Variants in ALK observed in about 807,000 individuals in gnomAD.
ALK encodes ALK receptor tyrosine kinase, also known as ALK tyrosine kinase receptor.
Under a neutral mutation model 163.1 loss-of-function variants are expected in ALK, and 74 were observed. The observed-to-expected ratio is 0.45, with a 90% CI of 0.38 to 0.55. The LOEUF (loss-of-function observed/expected upper bound fraction) is 0.55. Among genes scored for constraint, ALK ranks in the 20% least tolerant of loss-of-function variants. ALK has a pLI of 0.00. For missense variants in ALK, 2,063 were observed against 2,105.3 expected (o/e 0.98, Z 0.39); for synonymous variants, 960 against 843.2 (o/e 1.14, Z -2.40).
intron 3 of ALK, among the ~76,000 whole-genome samples, chr2:29,587,086 T>G (rs1015546221): frequency 2.0e-5 from 3 of 152,180 alleles, no homozygotes; most frequent in Admixed American, 6.5e-5. Flanking sequence ...CCTAGGGCCT[T>G]TCTCTTGGGT....
Position 29,717,580 on chromosome 2 carries a change from T to G in ALK, c.785A>C (p.Tyr262Ser). 1 of 1,613,996 alleles carries G rather than the reference T, an allele frequency of 6.2e-7. No homozygotes were observed. The highest frequency in any genetic ancestry group is 8.5e-7 in the Non-Finnish European group (1 of 1,179,890). Residue 262 changes from tyrosine to serine, a missense_variant and splice_region_variant, in exon 2 of 29, where the codon TAT becomes TCT. This residue lies in a region of ALK where 987 missense variants were observed against 939.5 expected (regional missense o/e 1.05). Coordinates refer to ENST00000389048, the MANE Select transcript of ALK (RefSeq NM_004304.5). The stretch of plus-strand genomic sequence containing the variant: ...GTAAATATTAAACATATACTTACCA[T>G]ATCGGCTGCGATGAGACAGGAAAGG... ...SFPFLSHRSR[Y>S]GLECSFDFPC... is the part of the protein sequence containing the mutation.
intron 1 of ALK, among the ~76,000 whole-genome samples, chr2:29,898,109 C>G (rs1667320083): frequency 6.6e-6 from 1 of 152,208 alleles, no homozygotes; most frequent in South Asian, 2.1e-4. Flanking sequence ...AGAGAAAGGA[C>G]AGCAGGTGAC....
At chr2:29,590,479 C>T (rs1323665211) in intron 3 of ALK, among the ~76,000 whole-genome samples, 3 of 152,142 alleles carry the variant, frequency 2.0e-5, no homozygotes, top group African/African-American at 7.2e-5. Context: ...TCTGTGTCCT[C>T]GTTTATAAAA....
At chr2:29,434,817 G>T (rs1267282761) in intron 4 of ALK, among the ~76,000 whole-genome samples, 1 of 152,190 alleles carries the variant, frequency 6.6e-6, no homozygotes, top group African/African-American at 2.4e-5. Flanking sequence ...GAATGATGAG[G>T]CCATTGTGCC....
At chr2:29,630,741 AT>A (rs1233022247) in intron 3 of ALK, among the ~76,000 whole-genome samples, 1 of 152,104 alleles carries the variant, frequency 6.6e-6, no homozygotes, top group Non-Finnish European at 1.5e-5. Flanking sequence ...CCCAGGCTAT[AT>A]TTTGAAATTT....
intron 4 of ALK, among the ~76,000 whole-genome samples, chr2:29,515,326 A>C (rs1573419435): frequency 6.6e-6 from 1 of 152,210 alleles, no homozygotes; most frequent in Non-Finnish European, 1.5e-5. Context: ...ATTGTAATGT[A>C]GTATATATTT....
chr2:29,763,226 G>A (rs1190673455), intron 1 of ALK, among the ~76,000 whole-genome samples: 1 of 152,062 alleles, frequency 6.6e-6, no homozygotes, highest in Non-Finnish European at 1.5e-5. Context: ...TGTACAATGA[G>A]AATAATAGTA....
chr2:29,840,337 CT>C (rs753856148), intron 1 of ALK, among the ~76,000 whole-genome samples: 16 of 152,168 alleles, frequency 1.1e-4, no homozygotes, highest in Non-Finnish European at 2.1e-4. Flanking sequence ...GATAATCCCA[CT>C]GCAAGACTCT....
intron 23 of ALK, among the ~76,000 whole-genome samples, chr2:29,216,904 ATG>A (rs1386560043): frequency 7.9e-6 from 1 of 125,844 alleles, no homozygotes; most frequent in Non-Finnish European, 1.6e-5. Flanking sequence ...TTGTGAGTAT[ATG>A]TGGTATATGT....
chr2:29,333,831 C>T (rs114132969), intron 5 of ALK, among the ~76,000 whole-genome samples: 4,219 of 152,160 alleles, frequency 0.028, 214 homozygotes, highest in African/African-American at 0.096. Context: ...AGGCTGGTCT[C>T]GAATTCCTGA....
At chr2:29,554,679 G>A (rs530783365) in intron 3 of ALK, among the ~76,000 whole-genome samples, 14 of 152,302 alleles carry the variant, frequency 9.2e-5, no homozygotes, top group Admixed American at 6.5e-4. Flanking sequence ...GTTTGAACCA[G>A]AGCAACTCCA....
intron 3 of ALK, among the ~76,000 whole-genome samples, chr2:29,604,966 A>G (rs1675499783): frequency 1.3e-5 from 2 of 152,200 alleles, no homozygotes; most frequent in Admixed American, 1.3e-4. Flanking sequence ...CACTCCAGCC[A>G]ATAAATATAG....
intron 2 of ALK, among the ~76,000 whole-genome samples, chr2:29,695,571 C>A (rs1039738165): frequency 9.2e-5 from 14 of 152,138 alleles, no homozygotes. Flanking sequence ...TCAGAGTGAA[C>A]AGGCAACCTA....
chr2:29,585,004 C>A (rs1275246358), intron 3 of ALK, among the ~76,000 whole-genome samples: 1 of 152,128 alleles, frequency 6.6e-6, no homozygotes, highest in Non-Finnish European at 1.5e-5. Context: ...AGGCCCACAG[C>A]CAAACGTGTG....
chr2:29,731,032 C>T (rs777244913), intron 1 of ALK, among the ~76,000 whole-genome samples: 2 of 152,190 alleles, frequency 1.3e-5, no homozygotes, highest in Non-Finnish European at 2.9e-5. Flanking sequence ...ATCACTCAAA[C>T]AAAGCAGGTG....
At chr2:29,218,028 G>A (rs534259517) in intron 23 of ALK, among the ~76,000 whole-genome samples, 96 of 152,284 alleles carry the variant, frequency 6.3e-4, no homozygotes, top group African/African-American at 2.3e-3. Flanking sequence ...GTTGGATTTT[G>A]TGGCCCCGAG....
intron 3 of ALK, among the ~76,000 whole-genome samples, chr2:29,615,058 A>G (rs1295237123): frequency 1.3e-5 from 2 of 152,050 alleles, no homozygotes; most frequent in African/African-American, 4.8e-5. Flanking sequence ...AACTCAAGCA[A>G]TCCACCTGCC....
In ALK at chr2:29,807,281, C is replaced by T. The variant is rs1334573867; in HGVS notation, c.668-89584G>A. ...GGAGACGAATCTCTCCCCAGACTCT[C>T]ATCTAAGGAAGCCAAGGGAGGGTGA... On this transcript the variant is annotated intron_variant, in intron 1 of 28. Coordinates refer to ENST00000389048, the MANE Select transcript of ALK (RefSeq NM_004304.5). Among the ~76,000 whole-genome samples the T allele has an allele frequency of 6.6e-5, 10 of 152,346 alleles. No homozygotes were observed. The East Asian group carries it at 1.7e-3, about 26-fold the overall frequency.
intron 1 of ALK, among the ~76,000 whole-genome samples, chr2:29,764,912 G>A (rs985647625): frequency 2.0e-5 from 3 of 152,118 alleles, no homozygotes; most frequent in Non-Finnish European, 4.4e-5. Flanking sequence ...GAGGTGATTG[G>A]ATCAAGGGGG....
Sources: allele counts gnomAD v4.1 joint callset (sites outside exome capture counted in the v4.1 genomes callset), GRCh38; gene constraint gnomAD v4.1.1; regional missense constraint gnomAD v4.1.1; transcripts MANE v1.5; gene names NCBI Gene and HGNC (gene_info 2026-07-23, HGNC 2026-07-21).